The following SLAIN2 variants were observed in gnomAD, a reference collection of about 807,000 sequenced individuals.
The protein encoded by SLAIN2 is SLAIN motif-containing protein 2.
SLAIN2 carries 31 observed loss-of-function variants against 56.6 expected under a neutral mutation model. The observed-to-expected ratio is 0.55, with a 90% CI of 0.41 to 0.74. SLAIN2 has a LOEUF of 0.74. Ranked by LOEUF, SLAIN2 falls within the 30% of genes least tolerant of loss-of-function variation. The pLI is 0.00. For synonymous variants in SLAIN2, 317 were observed against 284.9 expected, an observed-to-expected ratio of 1.11 and a Z score of -1.13; for missense variants, 777 against 754.2, an observed-to-expected ratio of 1.03 and a Z score of -0.35.
At chr4:48,405,917 A>G (rs149248771) in intron 6 of SLAIN2, among the ~76,000 whole-genome samples, 6 of 152,312 alleles carry the variant, frequency 3.9e-5, no homozygotes, top group Admixed American at 1.3e-4. Flanking sequence ...GCACCTTCCA[A>G]AGGTGGCCAG....
At chr4:48,396,756 T>C (rs2109773682) in intron 6 of SLAIN2, among the ~76,000 whole-genome samples, 1 of 152,220 alleles carries the variant, frequency 6.6e-6, no homozygotes, top group Non-Finnish European at 1.5e-5. Flanking sequence ...AAAGCTAATA[T>C]ATCGTAGGGG....
At chr4:48,407,747 G>GT (rs1716738066) in intron 6 of SLAIN2, among the ~76,000 whole-genome samples, 1 of 152,016 alleles carries the variant, frequency 6.6e-6, no homozygotes, top group East Asian at 1.9e-4. Context: ...ACTATTTGGT[G>GT]TTTTTTAGTA....
At chr4:48,348,136 A>C (rs1480710443) in intron 1 of SLAIN2, among the ~76,000 whole-genome samples, 1 of 152,224 alleles carries the variant, frequency 6.6e-6, no homozygotes, top group African/African-American at 2.4e-5. Flanking sequence ...ATTATTACTT[A>C]TATAACTAAC....
chr4:48,348,820 G>A (rs1318045705), intron 1 of SLAIN2, among the ~76,000 whole-genome samples: 1 of 152,072 alleles, frequency 6.6e-6, no homozygotes, highest in Non-Finnish European at 1.5e-5. Context: ...AATATCCTCA[G>A]TAATGGCCAG....
chr4:48,345,846 CATAAT>C (rs1714850189), intron 1 of SLAIN2, among the ~76,000 whole-genome samples: 1 of 152,160 alleles, frequency 6.6e-6, no homozygotes, highest in East Asian at 1.9e-4. Context: ...ATTAAATTGA[CATAAT>C]AAATTACTCT....
chr4:48,387,167 C>G (rs1716122818), intron 6 of SLAIN2, among the ~76,000 whole-genome samples: 1 of 151,978 alleles, frequency 6.6e-6, no homozygotes, highest in South Asian at 2.1e-4. Flanking sequence ...CATGTCAAAG[C>G]TTTATGGAAA....
chr4:48,403,322 G>A (rs1405790343), intron 6 of SLAIN2, among the ~76,000 whole-genome samples: 1 of 151,726 alleles, frequency 6.6e-6, no homozygotes, highest in Non-Finnish European at 1.5e-5. Flanking sequence ...AAAGGCTGTT[G>A]GCTGAACCAC....
At position 48,422,271 on chromosome 4, in the gene SLAIN2, T is replaced by G. The variant is rs1717176673; in HGVS notation, c.*194T>G. The G allele has an allele frequency of 5.7e-6, 3 of 528,986 alleles. No individual in the cohort carries two copies. Among genetic ancestry groups the G allele is most frequent in the African/African-American group, 1.9e-5 (1 of 52,372 alleles). 32.8% of individuals were successfully genotyped at this position (528,986 alleles called of 1,614,324 possible). A position where few individuals can be genotyped will look rare whatever the true frequency, so the allele number is the denominator to read the frequency against. ...TAATGACATTTAACATCAGATGTGT[T>G]TGGTAATCATACAATCACTCTCCAT... On this transcript the variant is annotated 3_prime_UTR_variant, in exon 8 of 8. Transcript: ENST00000264313.
At chr4:48,377,859 G>GT (rs777570243) in intron 2 of SLAIN2, 37 bp from the exon 3 acceptor site, 13 of 1,578,092 alleles carry the variant, frequency 8.2e-6, no homozygotes, top group Admixed American at 1.9e-5. Context: ...CTTTTTCTCA[G>GT]TTGTTAAATT....
At position 48,422,021 on chromosome 4, in the gene SLAIN2, GCTC is replaced by G. The variant is rs1296158561; in HGVS notation, c.1693_1695del (p.Pro565del). On this transcript the variant is annotated inframe_deletion, in exon 8 of 8. Transcript: ENST00000264313. ...ATTGCTTTATTACAGATCCTTGCCA[GCTC>G]CTAAAACCTATGGTAGCATGAAAGA... is the stretch of plus-strand genomic sequence containing the variant. 6.2e-7 allele frequency: 1 copy of G among 1,609,144 alleles called. No homozygotes were observed. The highest frequency in any genetic ancestry group is 1.7e-5 in the Admixed American group (1 of 59,410).
chr4:48,365,809 A>G (rs200308754), intron 1 of SLAIN2, among the ~76,000 whole-genome samples: 4 of 152,068 alleles, frequency 2.6e-5, no homozygotes, highest in Non-Finnish European at 5.9e-5. Flanking sequence ...GTGATCCACC[A>G]GCCTCGGCCT....
At chr4:48,374,438 C>T (rs1395367647) in intron 2 of SLAIN2, among the ~76,000 whole-genome samples, 1 of 152,002 alleles carries the variant, frequency 6.6e-6, no homozygotes, top group African/African-American at 2.4e-5. Context: ...CGAGGTTTCA[C>T]GATGTTGGCC....
At chr4:48,354,498 G>A (rs376006693) in intron 1 of SLAIN2, among the ~76,000 whole-genome samples, 5 of 151,692 alleles carry the variant, frequency 3.3e-5, no homozygotes, top group South Asian at 2.1e-4. Flanking sequence ...GCTGAGTCTC[G>A]CTGTGTTGCC....
At chr4:48,361,524 ATAC>A (rs1191323195) in intron 1 of SLAIN2, among the ~76,000 whole-genome samples, 1 of 152,232 alleles carries the variant, frequency 6.6e-6, no homozygotes, top group Non-Finnish European at 1.5e-5. Flanking sequence ...TAGCAAAAGA[ATAC>A]TAATAAAGTC....
chr4:48,425,939 C>T lies in SLAIN2; in HGVS notation c.*3862C>T, dbSNP rs1297955135. 2 of 152,144 alleles carry T rather than the reference C, an allele frequency of 1.3e-5. No homozygotes were observed. The highest frequency in any genetic ancestry group is 4.8e-5 in the African/African-American group (2 of 41,448). 9.4% of individuals were successfully genotyped at this position (152,144 alleles called of 1,614,324 possible). ...TTGAAACAAATTATCTACATTAAGT[C>T]ATCTTAATGTTTTCTCTTTAAAAGA... is the stretch of plus-strand genomic sequence containing the variant. On this transcript the variant is annotated 3_prime_UTR_variant, in exon 8 of 8. Transcript: ENST00000264313.
chr4:48,362,745 TTA>T (rs1715364721), intron 1 of SLAIN2, among the ~76,000 whole-genome samples: 1 of 132,574 alleles, frequency 7.5e-6, no homozygotes, highest in East Asian at 2.1e-4. Context: ...TTTTTTTTTT[TTA>T]TTCTTTTTTT....
chr4:48,355,887 T>C (rs549201985), intron 1 of SLAIN2, among the ~76,000 whole-genome samples: 21 of 152,248 alleles, frequency 1.4e-4, no homozygotes, highest in South Asian at 8.3e-4. Flanking sequence ...AAAATAATTT[T>C]AGAATCTATA....
At chr4:48,421,116 A>G (rs1717136320) in intron 7 of SLAIN2, among the ~76,000 whole-genome samples, 3 of 152,178 alleles carry the variant, frequency 2.0e-5, no homozygotes, top group Admixed American at 6.5e-5. Flanking sequence ...CCCAGGCTCA[A>G]GCAATCCTGT....
chr4:48,378,263 C>T (rs1228772498), intron 3 of SLAIN2, among the ~76,000 whole-genome samples: 1 of 152,142 alleles, frequency 6.6e-6, no homozygotes, highest in Admixed American at 6.5e-5. Flanking sequence ...GTGCTAAATA[C>T]ATAAAATTTT....
Sources: gnomAD v4.1 joint callset for allele counts (sites outside exome capture counted in the v4.1 genomes callset) on GRCh38, gnomAD v4.1.1 for gene constraint, MANE v1.5 for transcripts, NCBI Gene and HGNC (gene_info 2026-07-23, HGNC 2026-07-21) for gene names.